SGCE: variants seen among roughly 807,000 people sequenced by gnomAD.
SGCE encodes epsilon-sarcoglycan.
Under a neutral mutation model 57.8 loss-of-function variants are expected in SGCE, and 26 were observed. The observed-to-expected ratio is 0.45, with a 90% CI of 0.33 to 0.62. SGCE has a LOEUF of 0.62. Among genes scored for constraint, SGCE ranks in the 20% least tolerant of loss-of-function variants. The pLI, the probability that SGCE is intolerant of heterozygous loss-of-function variation, is 0.02. For synonymous variants in SGCE, 183 were observed against 189.5 expected (o/e 0.97, Z 0.28); for missense variants, 468 against 548.6 (o/e 0.85, Z 1.47).
chr7:94,587,781 A>G (rs1797099733), intron 10 of SGCE: 11 of 1,547,946 alleles, frequency 7.1e-6, no homozygotes, highest in Non-Finnish European at 9.6e-6. Flanking sequence ...TACTTGCCTC[A>G]AATCTTTGAA....
rs959768373 is a variant in SGCE at position 94,587,900 on chromosome 7, G to A, written c.1297+789C>T. The A allele has an allele frequency of 1.3e-5, 19 of 1,488,810 alleles. No homozygotes were observed. In the East Asian group the frequency reaches 4.8e-4, roughly 38 times the overall value. 92.2% of individuals were successfully genotyped at this position (1,488,810 alleles called of 1,614,324 possible). ...CTGAATGTGCCTGAAGTTTTTAAGA[G>A]ACTTACTTAATAGTTTCCCTACCAC... On this transcript the variant is annotated intron_variant, in intron 10 of 10. Coordinates refer to ENST00000648936, the MANE Select transcript of SGCE (RefSeq NM_003919.3).
intron 9 of SGCE, among the ~76,000 whole-genome samples, chr7:94,592,826 A>T (rs1797884190): frequency 6.6e-6 from 1 of 152,186 alleles, no homozygotes. Flanking sequence ...GATGATTTGC[A>T]TAAAGCCACA....
At chr7:94,617,445 A>G (rs1454223147) in intron 5 of SGCE, 2 of 152,242 alleles carry the variant, frequency 1.3e-5, no homozygotes, top group East Asian at 1.9e-4. Context: ...ATTGTGGAAC[A>G]CATTACCTTA....
At chr7:94,588,406 A>C in intron 10 of SGCE, 1 of 1,213,262 alleles carries the variant, frequency 8.2e-7, no homozygotes, top group Non-Finnish European at 1.0e-6. Context: ...AAGAATAGGG[A>C]ACTTCACTGA....
chr7:94,636,191 T>A (rs1423576109), intron 1 of SGCE, among the ~76,000 whole-genome samples: 1 of 152,264 alleles, frequency 6.6e-6, no homozygotes, highest in Non-Finnish European at 1.5e-5. Context: ...TTCATGTGTG[T>A]GTTTTTTAAA....
chr7:94,587,889 A>C, intron 10 of SGCE: 2 of 1,497,866 alleles, frequency 1.3e-6, no homozygotes, highest in Non-Finnish European at 8.9e-7. Flanking sequence ...ATGTGCCTGA[A>C]GTTTTTAAGA....
chr7:94,594,700 C>T (rs1054032826), intron 9 of SGCE, among the ~76,000 whole-genome samples: 1 of 152,048 alleles, frequency 6.6e-6, no homozygotes, highest in Non-Finnish European at 1.5e-5. Flanking sequence ...CTGGCTGAGG[C>T]GTATCTGGGA....
At position 94,629,718 on chromosome 7, in the gene SGCE, C is replaced by G; in HGVS notation, c.232+1G>C. On this transcript the variant is annotated splice_donor_variant, in intron 2 of 10. Coordinates refer to ENST00000648936, the MANE Select transcript of SGCE (RefSeq NM_003919.3). LOFTEE classifies it high-confidence loss of function. ...CTTTTTTTTCCTCACAAAGAACATA[C>G]CAGGTTTTGGGTAAGGTGGAAATTC... 6.2e-7 allele frequency: 1 copy of G among 1,610,664 alleles called. No homozygotes were observed. The highest frequency in any genetic ancestry group is 8.5e-7 in the Non-Finnish European group (1 of 1,177,538).
At chr7:94,601,233 A>G (rs192332307) in intron 6 of SGCE, among the ~76,000 whole-genome samples, 7 of 152,000 alleles carry the variant, frequency 4.6e-5, no homozygotes, top group Admixed American at 4.6e-4. Context: ...TCAAGTGCAG[A>G]TTTTACCAAA....
chr7:94,646,730 C>T lies in SGCE; in HGVS notation c.109+9260G>A, dbSNP rs140570390. Reference sequence around the variant, plus strand: ...GGACGTAAAGCTGCAGGAAAAATTTCTGTTCACAATAAAAAATATAACAAT... The same window carrying T: ...GGACGTAAAGCTGCAGGAAAAATTTTTGTTCACAATAAAAAATATAACAAT... On this transcript the variant is annotated intron_variant, in intron 1 of 10. Transcript: ENST00000648936. Among the ~76,000 whole-genome samples, 634 of 152,262 alleles carry T rather than the reference C, an allele frequency of 4.2e-3. 2 individuals carry two copies. The highest frequency in any genetic ancestry group is 0.014 in the African/African-American group (565 of 41,550).
At chr7:94,611,555 T>C (rs1416613330) in intron 5 of SGCE, among the ~76,000 whole-genome samples, 2 of 152,152 alleles carry the variant, frequency 1.3e-5, no homozygotes, top group East Asian at 1.9e-4. Flanking sequence ...ATAACAACTT[T>C]CTAAAATTGG....
At chr7:94,642,713 G>A (rs1202377674) in intron 1 of SGCE, among the ~76,000 whole-genome samples, 1 of 152,120 alleles carries the variant, frequency 6.6e-6, no homozygotes, top group Non-Finnish European at 1.5e-5. Context: ...AAACATGCAA[G>A]ACCTTGCTGG....
Position 94,598,875 on chromosome 7 carries a change from A to G in SGCE, c.1153T>C (p.Ser385Pro), listed in dbSNP as rs1274760811. The change falls in exon 9 of 11, where the codon TCA becomes CCA. Residue 385 changes from serine (S) to proline (P), a missense_variant. Physicochemically the swap from Ser to Pro is moderately conservative, Grantham distance 74. Coordinates refer to ENST00000648936, the MANE Select transcript of SGCE (RefSeq NM_003919.3). ...SKNREIAWPL[S>P]TLPVFHPVTG... ...ACAGGGTGGAACACAGGAAGCGTTG[A>G]CAGGGGCCATGCTATCTCTCTATTC... 3.1e-6 allele frequency: 5 copies of G among 1,613,234 alleles called. No individual in the cohort carries two copies. The African/African-American group carries it at 4.0e-5, about 13-fold the overall frequency.
In SGCE at chr7:94,585,433, A is replaced by G. The variant is rs1796764167; in HGVS notation, c.*66T>C. The G allele has an allele frequency of 2.7e-6, 4 of 1,475,506 alleles. No individual in the cohort carries two copies. In the African/African-American group the frequency reaches 4.2e-5, roughly 15 times the overall value. The allele number at this position is 1,475,506 out of a possible 1,614,324, so 91.4% of individuals were successfully genotyped here. A position where few individuals can be genotyped will look rare whatever the true frequency, so the allele number is the denominator to read the frequency against. Reference sequence around the variant, plus strand: ...AAGCTCATGCATTATTGGAAGAGAAAAGAAATGTGATGTAACTGCTATATT... The same window carrying G: ...AAGCTCATGCATTATTGGAAGAGAAGAGAAATGTGATGTAACTGCTATATT... On this transcript the variant is annotated 3_prime_UTR_variant, in exon 11 of 11. Coordinates refer to ENST00000648936, the MANE Select transcript of SGCE (RefSeq NM_003919.3).
chr7:94,625,810 T>C (rs1218720727), intron 3 of SGCE: 1 of 152,106 alleles, frequency 6.6e-6, no homozygotes, highest in Non-Finnish European at 1.5e-5. Context: ...CTCTATTGTT[T>C]TGTGGCTTTC....
chr7:94,655,045 T>C (rs958662220), intron 1 of SGCE, among the ~76,000 whole-genome samples: 10 of 152,252 alleles, frequency 6.6e-5, no homozygotes, highest in African/African-American at 2.4e-4. Context: ...ACATAAAATA[T>C]ATATGTTCAT....
At chr7:94,654,497 A>T (rs1349900791) in intron 1 of SGCE, among the ~76,000 whole-genome samples, 3 of 152,254 alleles carry the variant, frequency 2.0e-5, no homozygotes, top group African/African-American at 7.2e-5. Context: ...TCTATCTTGC[A>T]GAAGAGGGTG....
intron 1 of SGCE, among the ~76,000 whole-genome samples, chr7:94,647,772 T>C (rs17166409): frequency 0.13 from 19,456 of 152,144 alleles, 1,501 homozygotes; most frequent in South Asian, 0.25. Context: ...ACCTCATATA[T>C]ACCGTCCCTC....
chr7:94,585,482 C>T lies in SGCE; in HGVS notation c.*17G>A. The stretch of plus-strand genomic sequence containing the variant: ...TTGTCTGATTATAAATTCATTGCTT[C>T]AGTCAGTTTTCTTTCTTCAGGGATA... On this transcript the variant is annotated 3_prime_UTR_variant, in exon 11 of 11. Transcript: ENST00000648936. 1 of 1,605,402 alleles carries T rather than the reference C, an allele frequency of 6.2e-7. No homozygotes were observed. The highest frequency in any genetic ancestry group is 8.5e-7 in the Non-Finnish European group (1 of 1,172,282).
Sources: gnomAD v4.1 joint callset for allele counts (sites outside exome capture counted in the v4.1 genomes callset) on GRCh38, gnomAD v4.1.1 for gene constraint, MANE v1.5 for transcripts, NCBI Gene and HGNC (gene_info 2026-07-23, HGNC 2026-07-21) for gene names.